The following ACER3 variants were observed in gnomAD, a reference collection of about 807,000 sequenced individuals.
ACER3 encodes the protein alkaline ceramidase 3, also known as alkCDase 3.
A neutral mutation model predicts 48.9 loss-of-function variants in ACER3; 16 were observed. That is an observed-to-expected ratio of 0.33 (90% confidence interval 0.22 to 0.50). ACER3 has a LOEUF of 0.50. Ranked by LOEUF, ACER3 falls within the 20% of genes least tolerant of loss-of-function variation. The pLI, the probability that ACER3 is intolerant of heterozygous loss-of-function variation, is 0.98. For synonymous variants in ACER3, 109 were observed against 107.8 expected (o/e 1.01, Z -0.07); for missense variants, 227 against 326.0 (o/e 0.70, Z 2.34).
intron 1 of ACER3, among the ~76,000 whole-genome samples, chr11:76,922,526 A>G (rs1946714084): frequency 6.6e-6 from 1 of 152,014 alleles, no homozygotes; most frequent in Non-Finnish European, 1.5e-5. Context: ...ACATTTTCAT[A>G]CTCTACCTAG....
chr11:76,952,169 T>C (rs909631521), intron 2 of ACER3, among the ~76,000 whole-genome samples: 16 of 150,276 alleles, frequency 1.1e-4, no homozygotes, highest in East Asian at 2.0e-4. Flanking sequence ...CACACACACA[T>C]ATAAATATGA....
chr11:76,978,240 T>A (rs1948494918), intron 4 of ACER3, among the ~76,000 whole-genome samples: 1 of 152,144 alleles, frequency 6.6e-6, no homozygotes, highest in Non-Finnish European at 1.5e-5. Flanking sequence ...GGCCAGGCTG[T>A]CATTTCCGGG....
chr11:76,876,862 CT>C (rs1288155070), intron 1 of ACER3, among the ~76,000 whole-genome samples: 4 of 152,204 alleles, frequency 2.6e-5, no homozygotes, highest in Non-Finnish European at 4.4e-5. Context: ...ACCCTGTGCA[CT>C]TTTTATTGTT....
intron 2 of ACER3, among the ~76,000 whole-genome samples, chr11:76,949,317 A>G (rs558123345): frequency 7.9e-5 from 12 of 152,250 alleles, no homozygotes; most frequent in African/African-American, 2.4e-4. Context: ...TTTGGACATG[A>G]CCATATGGGG....
intron 2 of ACER3, among the ~76,000 whole-genome samples, chr11:76,927,091 T>C (rs1400674518): frequency 1.3e-5 from 2 of 152,210 alleles, no homozygotes; most frequent in Non-Finnish European, 2.9e-5. Context: ...CTGAATTTGA[T>C]GCTTATCATT....
At chr11:76,878,258 T>C (rs1430238036) in intron 1 of ACER3, among the ~76,000 whole-genome samples, 7 of 152,014 alleles carry the variant, frequency 4.6e-5, no homozygotes, top group Non-Finnish European at 1.0e-4. Flanking sequence ...CAAAAGTAAT[T>C]GCGGTTTTTG....
intron 1 of ACER3, among the ~76,000 whole-genome samples, chr11:76,895,956 C>T (rs1945918084): frequency 6.6e-6 from 1 of 152,086 alleles, no homozygotes; most frequent in Non-Finnish European, 1.5e-5. Context: ...GGCTCTGGGT[C>T]CATTTCTCTT....
At chr11:76,955,177 G>T (rs554262724) in intron 2 of ACER3, among the ~76,000 whole-genome samples, 2 of 152,082 alleles carry the variant, frequency 1.3e-5, no homozygotes, top group East Asian at 3.9e-4. Flanking sequence ...AATGTAAGAT[G>T]GTACAGACAC....
rs1555024634 is a variant in ACER3 at position 77,022,238 on chromosome 11, G to T, written c.*1911G>T. 1.3e-5 allele frequency: 2 copies of T among 152,196 alleles called. No homozygotes were observed. The allele number at this position is 152,196 out of a possible 1,614,324, so 9.4% of individuals were successfully genotyped here. A position where few individuals can be genotyped will look rare whatever the true frequency, so the allele number is the denominator to read the frequency against. ...ACATGGTAAGACTGAGGTTCTGCAGGATTAAAGTCAGATTAAGGGTACAGA... is the reference window on the plus strand; with the variant it reads ...ACATGGTAAGACTGAGGTTCTGCAGTATTAAAGTCAGATTAAGGGTACAGA... On this transcript the variant is annotated 3_prime_UTR_variant, in exon 11 of 11. Transcript: ENST00000532485.
intron 1 of ACER3, among the ~76,000 whole-genome samples, chr11:76,905,785 G>A (rs1361776439): frequency 6.6e-6 from 1 of 152,106 alleles, no homozygotes; most frequent in Non-Finnish European, 1.5e-5. Context: ...GATCTCTCAA[G>A]AATAATTTTT....
In ACER3 at chr11:76,988,824, A is replaced by G. The variant is rs150031474; in HGVS notation, c.403-1715A>G. ...GTGACTTGCCTGGCCAATCAAGTGT[A>G]TATAGACAATTGGTGGGAGAGACAG... On this transcript the variant is annotated intron_variant, in intron 5 of 10. Transcript: ENST00000532485. Among the ~76,000 whole-genome samples the G allele has an allele frequency of 2.7e-3, 404 of 152,346 alleles. 2 individuals carry two copies. The highest frequency in any genetic ancestry group is 9.2e-3 in the African/African-American group (384 of 41,586).
intron 3 of ACER3, among the ~76,000 whole-genome samples, chr11:76,968,063 C>T (rs1052580389): frequency 5.3e-5 from 8 of 152,198 alleles, no homozygotes; most frequent in Non-Finnish European, 1.2e-4. Context: ...AGCCCAAAAT[C>T]TCCTTAGGCT....
intron 7 of ACER3, chr11:77,011,305 C>A (rs1213478024): frequency 5.1e-6 from 5 of 985,292 alleles, no homozygotes; most frequent in Non-Finnish European, 6.0e-6. Flanking sequence ...CCTGGATAAC[C>A]AAAGACATTC....
intron 1 of ACER3, among the ~76,000 whole-genome samples, chr11:76,924,005 T>C (rs752958907): frequency 1.4e-4 from 22 of 152,182 alleles, no homozygotes; most frequent in Non-Finnish European, 2.8e-4. Context: ...TCTCATATAC[T>C]GTCTCCTGTG....
intron 2 of ACER3, among the ~76,000 whole-genome samples, chr11:76,932,296 C>T (rs752150605): frequency 6.6e-6 from 1 of 152,072 alleles, no homozygotes; most frequent in South Asian, 2.1e-4. Flanking sequence ...TTTGTTTTAG[C>T]TCATGGTGAG....
intron 2 of ACER3, among the ~76,000 whole-genome samples, chr11:76,940,312 A>T (rs1947304706): frequency 6.6e-6 from 1 of 152,154 alleles, no homozygotes; most frequent in Non-Finnish European, 1.5e-5. Flanking sequence ...AGAGATAAAG[A>T]TAAAATGCAA....
rs75870895 is a variant in ACER3 at position 76,893,473 on chromosome 11, T to C, written c.103+32394T>C. 3.5e-4 allele frequency among the ~76,000 whole-genome samples: 53 copies of C among 152,346 alleles called. No individual in the cohort carries two copies. In the East Asian group the frequency reaches 5.0e-3, roughly 14 times the overall value. ...GGCTGTGTGATCTTATATATATTTA[T>C]ACAAACTACTTAATTTTGATTTTCA... is the stretch of plus-strand genomic sequence containing the variant. On this transcript the variant is annotated intron_variant, in intron 1 of 10. Coordinates refer to ENST00000532485, the MANE Select transcript of ACER3 (RefSeq NM_018367.7).
intron 1 of ACER3, among the ~76,000 whole-genome samples, chr11:76,922,642 G>A (rs1169345866): frequency 2.0e-5 from 3 of 152,126 alleles, no homozygotes; most frequent in Non-Finnish European, 4.4e-5. Flanking sequence ...CACCCTCTGT[G>A]TGAACATTGT....
intron 7 of ACER3, among the ~76,000 whole-genome samples, chr11:77,005,871 T>C (rs1322599035): frequency 3.3e-5 from 5 of 149,712 alleles, no homozygotes; most frequent in African/African-American, 1.2e-4. Flanking sequence ...CTTCAACATA[T>C]CTTTTTTAGA....
Sources: gnomAD v4.1 joint callset for allele counts (sites outside exome capture counted in the v4.1 genomes callset) on GRCh38, gnomAD v4.1.1 for gene constraint, MANE v1.5 for transcripts, NCBI Gene and HGNC (gene_info 2026-07-23, HGNC 2026-07-21) for gene names.